Variants in CSMD2 observed in about 807,000 individuals in gnomAD.
CSMD2 encodes CUB and sushi domain-containing protein 2.
In CSMD2, 130 loss-of-function variants were observed where a neutral mutation model predicts 398.5. The ratio of observed to expected loss-of-function variants is 0.33; its 90% CI spans 0.28 to 0.38. The LOEUF is 0.38. Ranked by LOEUF, CSMD2 falls within the 10% of genes least tolerant of loss-of-function variation. The probability of loss-of-function intolerance (pLI) is 1.00; values close to 1 mark genes in which losing one functional copy is unlikely to be tolerated. For synonymous variants in CSMD2, 1,828 were observed against 1,908.5 expected, an observed-to-expected ratio of 0.96 and a Z score of 1.10; for missense variants, 3,829 against 4,764.9, an observed-to-expected ratio of 0.80 and a Z score of 5.78.
chr1:34,069,739 C>A (rs1655510944), intron 2 of CSMD2, among the ~76,000 whole-genome samples: 1 of 152,154 alleles, frequency 6.6e-6, no homozygotes, highest in Non-Finnish European at 1.5e-5. Flanking sequence ...CAGAATACTG[C>A]CTGGTCTCAG....
intron 15 of CSMD2, among the ~76,000 whole-genome samples, chr1:33,737,078 C>T (rs1646909892): frequency 2.6e-5 from 4 of 152,184 alleles, no homozygotes; most frequent in African/African-American, 7.2e-5. Flanking sequence ...CAGCAAATAA[C>T]TCCATCAGAT....
At position 33,569,510 on chromosome 1, in the gene CSMD2, G is replaced by T. The variant is rs1313827184; in HGVS notation, c.7995C>A (p.Gly2665=). The change falls in exon 52 of 71, where the codon GGC becomes GGA. Residue 2665 remains glycine (G), a synonymous_variant. Transcript: ENST00000373381. ...SCGELPIPPN[G]HRIGTLSVYG... is the part of the protein sequence containing the mutation. ...AGACAGACAGTGTTCCGATGCGGTG[G>T]CCATTGGGGGGAATCGGGAGCTCTC... The T allele has an allele frequency of 6.2e-7, 1 of 1,614,196 alleles. No individual in the cohort carries two copies. The highest frequency in any genetic ancestry group is 8.5e-7 in the Non-Finnish European group (1 of 1,180,032).
intron 10 of CSMD2, among the ~76,000 whole-genome samples, chr1:33,806,727 G>C (rs779563787): frequency 3.5e-4 from 54 of 152,232 alleles, no homozygotes; most frequent in Admixed American, 2.6e-3. Flanking sequence ...GTTTGAAAAA[G>C]AATCAAATAG....
chr1:33,818,614 T>C (rs1013745243), intron 9 of CSMD2, among the ~76,000 whole-genome samples: 1 of 152,218 alleles, frequency 6.6e-6, no homozygotes, highest in Non-Finnish European at 1.5e-5. Context: ...AAAAACATAG[T>C]AGCTATGTAG....
rs1343389821 is a variant in CSMD2, at chr1:33,709,293, C to T, written c.3407-35G>A. ...GAATCACAATAACCATAGATTAACC[C>T]CCATCAGCTGCATCCAGAAAGCAAC... On this transcript the variant is annotated intron_variant, in intron 21 of 70. Transcript: ENST00000373381. 1.9e-6 allele frequency: 3 copies of T among 1,579,576 alleles called. No individual in the cohort carries two copies. The East Asian group carries it at 6.7e-5, about 36-fold the overall frequency.
At chr1:34,103,520 G>C (rs183376623) in intron 1 of CSMD2, among the ~76,000 whole-genome samples, 13 of 151,886 alleles carry the variant, frequency 8.6e-5, no homozygotes, top group Non-Finnish European at 1.8e-4. Flanking sequence ...GGATGGTCTT[G>C]ATCTGACCTT....
chr1:33,803,870 C>T (rs1035144177), intron 10 of CSMD2, among the ~76,000 whole-genome samples: 2 of 152,230 alleles, frequency 1.3e-5, no homozygotes, highest in Non-Finnish European at 2.9e-5. Flanking sequence ...TGATCCTCGT[C>T]CTTCCAGGCT....
At chr1:33,549,076 G>A (rs1012201424) in intron 56 of CSMD2, among the ~76,000 whole-genome samples, 1 of 152,208 alleles carries the variant, frequency 6.6e-6, no homozygotes, top group Admixed American at 6.5e-5. Context: ...GTGGCTTTGG[G>A]ACTCTTTTCT....
At chr1:34,087,666 A>C (rs1225273011) in intron 2 of CSMD2, among the ~76,000 whole-genome samples, 1 of 148,962 alleles carries the variant, frequency 6.7e-6, no homozygotes, top group African/African-American at 2.5e-5. Flanking sequence ...TAAAGCCAGC[A>C]CTCCTGCCAT....
chr1:33,707,628 T>C (rs545462868), intron 22 of CSMD2, among the ~76,000 whole-genome samples: 43 of 151,398 alleles, frequency 2.8e-4, no homozygotes, highest in Non-Finnish European at 4.6e-4. Flanking sequence ...TCTTCTTGGG[T>C]TCAAAAAGGA....
intron 10 of CSMD2, among the ~76,000 whole-genome samples, chr1:33,794,513 G>A (rs1415564124): frequency 6.6e-6 from 1 of 152,196 alleles, no homozygotes; most frequent in Non-Finnish European, 1.5e-5. Flanking sequence ...ATCCAGAGAG[G>A]TCTAACTACT....
At chr1:33,560,953 C>T (rs1278752526) in intron 53 of CSMD2, among the ~76,000 whole-genome samples, 3 of 152,218 alleles carry the variant, frequency 2.0e-5, no homozygotes, top group Non-Finnish European at 4.4e-5. Context: ...TATTTCGTCC[C>T]AGCCTGGCAC....
chr1:33,875,311 G>A (rs1244163568), intron 5 of CSMD2, among the ~76,000 whole-genome samples: 14 of 152,242 alleles, frequency 9.2e-5, no homozygotes, highest in African/African-American at 3.4e-4. Flanking sequence ...GGGCTGGTTA[G>A]TGAGAGCAAA....
intron 1 of CSMD2, among the ~76,000 whole-genome samples, chr1:34,143,135 C>G (rs1472148531): frequency 6.6e-6 from 1 of 152,076 alleles, no homozygotes; most frequent in Non-Finnish European, 1.5e-5. Flanking sequence ...TCAGTGGGGT[C>G]TGGAGCCCAC....
chr1:33,580,951 C>A, intron 47 of CSMD2, 52 bp from the exon 48 acceptor site: 1 of 1,594,314 alleles, frequency 6.3e-7, no homozygotes, highest in Non-Finnish European at 8.6e-7. Flanking sequence ...TCACAGGGAG[C>A]CTCCAGGGAA....
At chr1:33,958,156 T>C (rs1645232670) in intron 3 of CSMD2, among the ~76,000 whole-genome samples, 1 of 152,138 alleles carries the variant, frequency 6.6e-6, no homozygotes, top group African/African-American at 2.4e-5. Flanking sequence ...CCTCATTCCA[T>C]GAGGCTGTGT....
chr1:33,621,180 T>C (rs1227445725), intron 37 of CSMD2, among the ~76,000 whole-genome samples: 2 of 152,240 alleles, frequency 1.3e-5, no homozygotes, highest in African/African-American at 2.4e-5. Context: ...TTCACTAAAA[T>C]GACTGTGCCC....
At chr1:33,617,113 G>T in intron 38 of CSMD2, 138 bp from the exon 39 acceptor site, 1 of 654,154 alleles carries the variant, frequency 1.5e-6, no homozygotes, top group East Asian at 2.6e-5. Context: ...GATCCACTGT[G>T]GGATGGGAGT....
At chr1:33,708,412 G>A (rs968984919) in intron 22 of CSMD2, among the ~76,000 whole-genome samples, 3 of 151,792 alleles carry the variant, frequency 2.0e-5, no homozygotes, top group African/African-American at 7.3e-5. Flanking sequence ...TAAATACATG[G>A]ACACCGATTC....
Sources: gnomAD v4.1 joint callset for allele counts (sites outside exome capture counted in the v4.1 genomes callset) on GRCh38, gnomAD v4.1.1 for gene constraint, MANE v1.5 for transcripts, NCBI Gene and HGNC (gene_info 2026-07-23, HGNC 2026-07-21) for gene names.